The following STYK1 variants were observed in gnomAD, a reference collection of about 807,000 sequenced individuals.
STYK1 encodes STY kinase 1, also known as tyrosine-protein kinase STYK1.
STYK1 carries 46 observed loss-of-function variants against 48.1 expected under a neutral mutation model. The observed-to-expected ratio is 0.96, with a 90% confidence interval of 0.75 to 1.22. STYK1 has a LOEUF of 1.22. Among genes scored for constraint, STYK1 ranks in the 50% most tolerant of loss-of-function variants. The pLI is 0.00. For synonymous variants in STYK1, 188 were observed against 189.0 expected (o/e 0.99, Z 0.04); for missense variants, 527 against 521.1 (o/e 1.01, Z -0.11).
At chr12:10,643,241 T>C (rs1947564058) in intron 1 of STYK1, among the ~76,000 whole-genome samples, 1 of 152,208 alleles carries the variant, frequency 6.6e-6, no homozygotes, top group Admixed American at 6.5e-5. Flanking sequence ...TTTTACTTTA[T>C]ACTCTGATTA....
rs1325028568 is a variant in STYK1 at position 10,672,909 on chromosome 12, AG to A, written c.-195+1056del. On this transcript the variant is annotated intron_variant, in intron 1 of 10. Transcript: ENST00000075503. The surrounding 1 kb of genome is among the most constrained non-coding windows in gnomAD (Gnocchi z 4.0). ...TGTCAGTGGAGATTCCGGTGCATTG[AG>A]GGGGAAAAACCAGGTAGACAGCACA... Among the ~76,000 whole-genome samples, 1 of 151,976 alleles carries A rather than the reference AG, an allele frequency of 6.6e-6. No homozygotes were observed. The highest frequency in any genetic ancestry group is 2.4e-5 in the African/African-American group (1 of 41,366).
intron 8 of STYK1, among the ~76,000 whole-genome samples, chr12:10,623,588 A>T (rs1225664146): frequency 3.9e-5 from 6 of 152,156 alleles, no homozygotes; most frequent in African/African-American, 1.4e-4. Context: ...CCTTCAAACA[A>T]AGTTTGAAGG....
intron 1 of STYK1, among the ~76,000 whole-genome samples, chr12:10,644,763 G>T (rs1035700843): frequency 2.0e-5 from 3 of 152,120 alleles, no homozygotes; most frequent in African/African-American, 7.2e-5. Context: ...ATGATGAGTT[G>T]TTCTGGACAT....
intron 1 of STYK1, chr12:10,640,734 C>T (rs528597526): frequency 6.6e-6 from 1 of 152,240 alleles, no homozygotes; most frequent in South Asian, 2.1e-4. Flanking sequence ...TCCAGAGATT[C>T]CTGAAACATA....
intron 1 of STYK1, among the ~76,000 whole-genome samples, chr12:10,662,122 C>A (rs1299480711): frequency 6.6e-6 from 1 of 152,168 alleles, no homozygotes; most frequent in Admixed American, 6.5e-5. Context: ...AGTATGTGGA[C>A]TTTTGTATCT....
chr12:10,620,235 A>G lies in STYK1; in HGVS notation c.1178T>C (p.Leu393Ser). 1 of 1,613,912 alleles carries G rather than the reference A, an allele frequency of 6.2e-7. No individual in the cohort carries two copies. The highest frequency in any genetic ancestry group is 8.5e-7 in the Non-Finnish European group (1 of 1,179,814). The change falls in exon 11 of 11, where the codon TTA (leucine) becomes TCA (serine). Residue 393 changes from leucine to serine, a missense_variant. Transcript: ENST00000075503. ...AGGTACCACCAACTCTGGTACTTGT[A>G]ACACAGCCTCGTCATCTGCAGTTTT... ...AIKTADDEAV[L>S]QVPELVVPEL...
In STYK1 at chr12:10,622,664, A is replaced by G. The variant is rs1450722323; in HGVS notation, c.941T>C (p.Ile314Thr). 4 of 1,614,050 alleles carry G rather than the reference A, an allele frequency of 2.5e-6. No homozygotes were observed. Among genetic ancestry groups the G allele is most frequent in the Non-Finnish European group, 3.4e-6 (4 of 1,179,936 alleles). ...TAGAGTCACCATCTCATAGAGCAGG[A>G]TCCCAAAAGACCAGCTGTAAAAGAA... Reference protein sequence around the residue: ...SIRADVWSFGILLYEMVTLGA... With the variant: ...SIRADVWSFGTLLYEMVTLGA... The change falls in exon 9 of 11, where the codon ATC becomes ACC. Residue 314 changes from isoleucine to threonine, a missense_variant. Transcript: ENST00000075503.
rs143107793 is a variant in STYK1, at chr12:10,621,360, G to A, written c.1064+516C>T. 3.7e-3 allele frequency among the ~76,000 whole-genome samples: 569 copies of A among 152,100 alleles called. 7 individuals are homozygous for A. The highest frequency in any genetic ancestry group is 0.011 in the African/African-American group (460 of 41,472). On this transcript the variant is annotated intron_variant, in intron 10 of 10. Coordinates refer to ENST00000075503, the MANE Select transcript of STYK1 (RefSeq NM_018423.3). ...ATTTCTTCTTATCTCCCCTTCCTCTGGTTGGCTTCTATCACACTGAGAGTT... is the reference window on the plus strand; with the variant it reads ...ATTTCTTCTTATCTCCCCTTCCTCTAGTTGGCTTCTATCACACTGAGAGTT...
intron 1 of STYK1, among the ~76,000 whole-genome samples, chr12:10,645,710 A>T (rs576073385): frequency 5.3e-5 from 8 of 152,306 alleles, no homozygotes; most frequent in African/African-American, 9.6e-5. Flanking sequence ...AGGCATTTTT[A>T]AAAAATATCA....
Position 10,620,288 on chromosome 12 carries a change from C to A in STYK1, c.1125G>T (p.Glu375Asp). 6.2e-7 allele frequency: 1 copy of A among 1,614,020 alleles called. No homozygotes were observed. The highest frequency in any genetic ancestry group is 8.5e-7 in the Non-Finnish European group (1 of 1,180,040). ...TGGCAGCTTCTAGGCGCAAGCGCAG[C>A]TCTCTAGGTGAGGGGCGGTCAGCCT... Reference protein sequence around the residue: ...WREADRPSPRELRLRLEAAIK... With the variant: ...WREADRPSPRDLRLRLEAAIK... Residue 375 changes from glutamate to aspartate, a missense_variant, in exon 11 of 11, where the codon GAG (glutamate) becomes GAT (aspartate). Coordinates refer to ENST00000075503, the MANE Select transcript of STYK1 (RefSeq NM_018423.3).
chr12:10,659,908 C>T (rs1947757776), intron 1 of STYK1, among the ~76,000 whole-genome samples: 1 of 152,140 alleles, frequency 6.6e-6, no homozygotes, highest in Non-Finnish European at 1.5e-5. Flanking sequence ...TTGTTAGATT[C>T]TAGTCCCATC....
At chr12:10,626,645 C>T (rs1947361666) in intron 7 of STYK1, among the ~76,000 whole-genome samples, 1 of 152,110 alleles carries the variant, frequency 6.6e-6, no homozygotes, top group South Asian at 2.1e-4. Flanking sequence ...ATATAAACTT[C>T]CTGGGTAATT....
intron 5 of STYK1, 149 bp downstream of exon 5, chr12:10,630,896 A>G (rs1947419266): frequency 1.9e-6 from 2 of 1,043,616 alleles, no homozygotes; most frequent in Non-Finnish European, 1.4e-6. Context: ...GACACCAAGA[A>G]AAACATTTCT....
intron 10 of STYK1, among the ~76,000 whole-genome samples, chr12:10,621,520 T>G (rs551107843): frequency 4.9e-4 from 74 of 152,326 alleles, no homozygotes; most frequent in African/African-American, 1.7e-3. Flanking sequence ...ACATTTAGAC[T>G]AAACACAACT....
At chr12:10,640,969 T>C (rs1228502429) in intron 1 of STYK1, among the ~76,000 whole-genome samples, 1 of 152,248 alleles carries the variant, frequency 6.6e-6, no homozygotes, top group African/African-American at 2.4e-5. Flanking sequence ...ACAGTTTATT[T>C]TTATTATAAT....
At chr12:10,644,258 G>C (rs1947576319) in intron 1 of STYK1, among the ~76,000 whole-genome samples, 1 of 152,154 alleles carries the variant, frequency 6.6e-6, no homozygotes, top group South Asian at 2.1e-4. Context: ...CTTGACTGTG[G>C]TGAAAATTAC....
chr12:10,640,356 G>A (rs2120689207), intron 1 of STYK1, among the ~76,000 whole-genome samples: 1 of 152,256 alleles, frequency 6.6e-6, no homozygotes, highest in East Asian at 1.9e-4. Flanking sequence ...CACTGGAGAG[G>A]TGATTCTTTT....
At chr12:10,663,051 G>A (rs1038167619) in intron 1 of STYK1, among the ~76,000 whole-genome samples, 1 of 152,114 alleles carries the variant, frequency 6.6e-6, no homozygotes, top group African/African-American at 2.4e-5. Context: ...ATATCCAATT[G>A]TCCCAGCATA....
At chr12:10,652,215 T>C (rs1321403182) in intron 1 of STYK1, among the ~76,000 whole-genome samples, 1 of 152,228 alleles carries the variant, frequency 6.6e-6, no homozygotes, top group Non-Finnish European at 1.5e-5. Flanking sequence ...ATTTATTAGA[T>C]AAGATTCTAC....
Sources: gnomAD v4.1 joint callset for allele counts (sites outside exome capture counted in the v4.1 genomes callset) on GRCh38, gnomAD v4.1.1 for gene constraint, Gnocchi (gnomAD v3.1) non-coding constraint, MANE v1.5 for transcripts, NCBI Gene and HGNC (gene_info 2026-07-23, HGNC 2026-07-21) for gene names.